The following PRRC2B variants were observed in gnomAD, a reference collection of about 807,000 sequenced individuals.
PRRC2B encodes proline rich coiled-coil 2B.
A neutral mutation model predicts 242.3 loss-of-function variants in PRRC2B; 68 were observed. The observed-to-expected ratio is 0.28, with a 90% CI of 0.23 to 0.34. The LOEUF (loss-of-function observed/expected upper bound fraction) is 0.34, where lower values mean the gene tolerates loss of function less well. Among genes scored for constraint, PRRC2B ranks in the 10% least tolerant of loss-of-function variants. The pLI is 1.00. For missense variants in PRRC2B, 2,835 were observed against 2,954.8 expected (o/e 0.96, Z 0.94); for synonymous variants, 1,228 against 1,173.6 (o/e 1.05, Z -0.95).
chr9:131,461,445 G>A (rs956650161), intron 11 of PRRC2B, among the ~76,000 whole-genome samples: 1 of 152,174 alleles, frequency 6.6e-6, no homozygotes, highest in East Asian at 1.9e-4. Flanking sequence ...TAGTGACTCT[G>A]GGACTGGACT....
rs376163529 is a variant in PRRC2B at position 131,459,296 on chromosome 9, G to A, written c.1344G>A (p.Ala448=). ...GTGCGTCCCGTGTGGTCCGAAAGGCGCCAGACCCTCAGCCACCGCCCAGGA... is the reference window on the plus strand; with the variant it reads ...GTGCGTCCCGTGTGGTCCGAAAGGCACCAGACCCTCAGCCACCGCCCAGGA... ...AVGASRVVRK[A]PDPQPPPRKL... is the part of the protein sequence containing the mutation. The change falls in exon 11 of 32, where the codon GCG becomes GCA. Residue 448 remains alanine (A), a synonymous_variant. Coordinates refer to ENST00000683519, the MANE Select transcript of PRRC2B (RefSeq NM_013318.4). The A allele has an allele frequency of 1.5e-5, 25 of 1,613,762 alleles. No individual in the cohort carries two copies. Among genetic ancestry groups the A allele is most frequent in the African/African-American group, 1.3e-4 (10 of 74,920 alleles).
Position 131,496,084 on chromosome 9 carries a change from A to G in PRRC2B, c.*210A>G, listed in dbSNP as rs980853123. 3 of 625,110 alleles carry G rather than the reference A, an allele frequency of 4.8e-6. No homozygotes were observed. The highest frequency in any genetic ancestry group is 8.1e-6 in the Non-Finnish European group (3 of 372,204). 38.7% of individuals were successfully genotyped at this position (625,110 alleles called of 1,614,324 possible). A position where few individuals can be genotyped will look rare whatever the true frequency, so the allele number is the denominator to read the frequency against. ...GCATTGACCCGCTTGCTTTGATACG[A>G]AACAAAAAAGCAGACGACTCCTTCA... On this transcript the variant is annotated 3_prime_UTR_variant, in exon 32 of 32. Transcript: ENST00000683519.
At position 131,485,566 on chromosome 9, in the gene PRRC2B, C is replaced by T. The variant is rs1943997207; in HGVS notation, c.5758+426C>T. On this transcript the variant is annotated intron_variant, in intron 25 of 31. Transcript: ENST00000683519. ...AAGGGCTTTGTATCAACAGAGCCCTCAGTCACTGGCAGCTACTTTTGTCCT... is the reference window on the plus strand; with the variant it reads ...AAGGGCTTTGTATCAACAGAGCCCTTAGTCACTGGCAGCTACTTTTGTCCT... 5.7e-6 allele frequency: 3 copies of T among 523,782 alleles called. No homozygotes were observed. The Admixed American group carries it at 5.8e-5, about 10-fold the overall frequency. 32.4% of individuals were successfully genotyped at this position (523,782 alleles called of 1,614,324 possible).
chr9:131,465,187 G>T, intron 12 of PRRC2B, 109 bp downstream of exon 12: 1 of 1,082,180 alleles, frequency 9.2e-7, no homozygotes, highest in Non-Finnish European at 1.3e-6. Context: ...GGCTTACAAC[G>T]AGATCGTATT....
In PRRC2B at chr9:131,478,562, C is replaced by T. The variant is rs764297152; in HGVS notation, c.4701C>T (p.Thr1567=). Residue 1567 remains threonine (T), a synonymous_variant, in exon 18 of 32, where the codon ACC becomes ACT. Coordinates refer to ENST00000683519, the MANE Select transcript of PRRC2B (RefSeq NM_013318.4). The part of the protein sequence containing the change: ...MVGEGFIEVL[T]KKQRRLLEEE... ...GCGAAGGCTTCATCGAAGTCCTGAC[C>T]AAGAAGCAGCGCCGCCTGCTGGAGG... The T allele has an allele frequency of 1.0e-5, 16 of 1,600,784 alleles. No homozygotes were observed. The highest frequency in any genetic ancestry group is 4.4e-5 in the South Asian group (4 of 90,840).
At chr9:131,421,556 G>A (rs184789953) in intron 1 of PRRC2B, among the ~76,000 whole-genome samples, 5 of 152,284 alleles carry the variant, frequency 3.3e-5, no homozygotes, top group East Asian at 1.9e-4. Flanking sequence ...GGATCTTTCC[G>A]TTCGTTCTAT....
chr9:131,436,682 T>A lies in PRRC2B; in HGVS notation c.356T>A (p.Val119Asp), dbSNP rs1249708956. The change falls in exon 4 of 32, where the codon GTC (valine) becomes GAC (aspartate). Residue 119 changes from valine to aspartate, a missense_variant. Physicochemically the swap from Val to Asp is radical, Grantham distance 152. This residue lies in a region of PRRC2B where 626 missense variants were observed against 685.5 expected (regional missense o/e 0.91). Transcript: ENST00000683519. ...SLPQPGLQKS[V>D]SNLQKPTQSI... Reference sequence around the variant, plus strand: ...CCGCAGCCGGGTTTGCAGAAATCTGTCTCCAATTTGCAGAAACCGACACAG... The same window carrying A: ...CCGCAGCCGGGTTTGCAGAAATCTGACTCCAATTTGCAGAAACCGACACAG... 1 of 1,614,006 alleles carries A rather than the reference T, an allele frequency of 6.2e-7. No individual in the cohort carries two copies. The highest frequency in any genetic ancestry group is 1.7e-5 in the Admixed American group (1 of 60,022).
At chr9:131,447,623 GT>G (rs1838845708) in intron 8 of PRRC2B, 38 bp from the exon 9 acceptor site, 3 of 1,542,644 alleles carry the variant, frequency 1.9e-6, no homozygotes. Context: ...GCTTCCGTCT[GT>G]ATACTGGACA....
At chr9:131,476,694 C>T (rs958595925) in intron 16 of PRRC2B, among the ~76,000 whole-genome samples, 159 bp downstream of exon 16, 1 of 152,156 alleles carries the variant, frequency 6.6e-6, no homozygotes, top group Non-Finnish European at 1.5e-5. Context: ...CATTGCCTGT[C>T]TGCTTCTCGT....
chr9:131,499,458 T>C lies in PRRC2B; in HGVS notation c.*3584T>C, dbSNP rs1944411499. On this transcript the variant is annotated 3_prime_UTR_variant, in exon 32 of 32. Transcript: ENST00000683519. ...TTTGAAGACCAAGGATACCAGGATG[T>C]GTGCACTCTGTCGTGTTCTGTGATG... 1.3e-5 allele frequency: 2 copies of C among 152,248 alleles called. No individual in the cohort carries two copies. Among genetic ancestry groups the C allele is most frequent in the South Asian group, 4.1e-4 (2 of 4,836 alleles). The allele number at this position is 152,248 out of a possible 1,614,324, so 9.4% of individuals were successfully genotyped here. A position where few individuals can be genotyped will look rare whatever the true frequency, so the allele number is the denominator to read the frequency against.
At chr9:131,469,589 G>A (rs1305795757) in intron 13 of PRRC2B, among the ~76,000 whole-genome samples, 1 of 152,208 alleles carries the variant, frequency 6.6e-6, no homozygotes, top group Admixed American at 6.5e-5. Flanking sequence ...AGGATGTGCT[G>A]TAGACTGCCA....
intron 25 of PRRC2B, among the ~76,000 whole-genome samples, chr9:131,485,478 C>T (rs543577771): frequency 2.2e-4 from 34 of 152,324 alleles, no homozygotes; most frequent in African/African-American, 7.2e-4. Context: ...CCACAGTGTC[C>T]TCTCCTCTCT....
chr9:131,467,541 T>TCTCTG (rs1209367534), intron 12 of PRRC2B, 22 bp from the exon 13 acceptor site: 2 of 1,556,266 alleles, frequency 1.3e-6, no homozygotes, highest in East Asian at 2.3e-5. Flanking sequence ...CTGTGTCATT[T>TCTCTG]CTCTGCTGGT....
chr9:131,476,187 C>T lies in PRRC2B; in HGVS notation c.4058C>T (p.Thr1353Ile). The change falls in exon 16 of 32, where the codon ACT becomes ATT. Residue 1353 changes from threonine to isoleucine, a missense_variant. This residue lies in a region of PRRC2B where 1,536 missense variants were observed against 1,483.1 expected (regional missense o/e 1.04). Coordinates refer to ENST00000683519, the MANE Select transcript of PRRC2B (RefSeq NM_013318.4). ...PKLCSGDKSG[T>I]VGRRSPELSY... ...CTGTGTTCTGGGGACAAGAGTGGCA[C>T]TGTGGGCCGCAGGTCCCCTGAGCTC... The T allele has an allele frequency of 2.5e-6, 4 of 1,613,540 alleles. No individual in the cohort carries two copies. Among genetic ancestry groups the T allele is most frequent in the Non-Finnish European group, 3.4e-6 (4 of 1,179,884 alleles).
At chr9:131,409,366 G>A (rs922140621) in intron 1 of PRRC2B, among the ~76,000 whole-genome samples, 1 of 151,802 alleles carries the variant, frequency 6.6e-6, no homozygotes, top group African/African-American at 2.4e-5. Context: ...TTTTAGTAGA[G>A]ACGGGATTTC....
chr9:131,435,308 AAAAG>A (rs1838316906), intron 3 of PRRC2B, among the ~76,000 whole-genome samples: 1 of 131,162 alleles, frequency 7.6e-6, no homozygotes, highest in Non-Finnish European at 1.7e-5. Context: ...GAAAAAAAAG[AAAAG>A]AAAAAAAAGT....
chr9:131,396,236 C>T (rs1173069921), intron 1 of PRRC2B, among the ~76,000 whole-genome samples: 1 of 151,820 alleles, frequency 6.6e-6, no homozygotes, highest in Non-Finnish European at 1.5e-5. Flanking sequence ...TTCCTTTCTC[C>T]TTCCTTCCTC....
At chr9:131,395,848 GTGGCAGT>G (rs1837037819) in intron 1 of PRRC2B, among the ~76,000 whole-genome samples, 2 of 152,210 alleles carry the variant, frequency 1.3e-5, no homozygotes, top group African/African-American at 4.8e-5. Flanking sequence ...CCCGGAGTGT[GTGGCAGT>G]TGGTCAGTTT....
chr9:131,475,388 G>C lies in PRRC2B; in HGVS notation c.3259G>C (p.Gly1087Arg). Residue 1087 changes from glycine to arginine, a missense_variant, in exon 16 of 32, where the codon GGC (glycine) becomes CGC (arginine). This residue lies in a region of PRRC2B where 1,536 missense variants were observed against 1,483.1 expected (regional missense o/e 1.04). Transcript: ENST00000683519. ...RGRPAGGNGSGLCGGGVLGAR... is the reference protein window; with the variant it reads ...RGRPAGGNGSRLCGGGVLGAR... ...TCGGCCTGCTGGCGGAAATGGGAGC[G>C]GCCTCTGTGGTGGGGGGGTCCTGGG... 2.5e-6 allele frequency: 4 copies of C among 1,585,346 alleles called. No individual in the cohort carries two copies. Among genetic ancestry groups the C allele is most frequent in the Non-Finnish European group, 3.4e-6 (4 of 1,166,498 alleles).
Sources: allele counts gnomAD v4.1 joint callset (sites outside exome capture counted in the v4.1 genomes callset), GRCh38; gene constraint gnomAD v4.1.1; regional missense constraint gnomAD v4.1.1; transcripts MANE v1.5; gene names NCBI Gene and HGNC (gene_info 2026-07-23, HGNC 2026-07-21).